The following RRAS2 variants were observed in gnomAD, a reference collection of about 807,000 sequenced individuals.
RRAS2 encodes RAS related 2.
RRAS2 carries 7 observed loss-of-function variants against 27.6 expected under a neutral mutation model. The ratio of observed to expected loss-of-function variants is 0.25; its 90% CI spans 0.14 to 0.48. The LOEUF (loss-of-function observed/expected upper bound fraction) is 0.48, where lower values mean the gene tolerates loss of function less well. Ranked by LOEUF, RRAS2 falls within the 20% of genes least tolerant of loss-of-function variation. RRAS2 has a pLI of 0.99. For missense variants in RRAS2, 178 were observed against 256.2 expected, an observed-to-expected ratio of 0.69 and a Z score of 2.08; for synonymous variants, 86 against 90.9, an observed-to-expected ratio of 0.95 and a Z score of 0.31.
chr11:14,285,526 A>C (rs1849637622), intron 4 of RRAS2, among the ~76,000 whole-genome samples: 1 of 152,236 alleles, frequency 6.6e-6, no homozygotes, highest in Non-Finnish European at 1.5e-5. Flanking sequence ...CATAATTACC[A>C]TCTCTGGTAC....
chr11:14,305,212 G>C (rs573667437), intron 1 of RRAS2, among the ~76,000 whole-genome samples: 93 of 152,274 alleles, frequency 6.1e-4, no homozygotes, highest in South Asian at 4.2e-4. Context: ...AAATGAATGG[G>C]CCTGGTATGT....
At chr11:14,338,292 G>A (rs937871886) in intron 1 of RRAS2, among the ~76,000 whole-genome samples, 2 of 152,212 alleles carry the variant, frequency 1.3e-5, no homozygotes, top group South Asian at 4.1e-4. Flanking sequence ...GCATAAGGAC[G>A]CAGATACTAG....
chr11:14,340,909 T>C (rs1246027820), intron 1 of RRAS2, among the ~76,000 whole-genome samples: 6 of 152,180 alleles, frequency 3.9e-5, no homozygotes, highest in African/African-American at 1.4e-4. Flanking sequence ...TTCAAATGTA[T>C]ATACTTTCAC....
Position 14,281,654 on chromosome 11 carries a change from T to C in RRAS2, c.475A>G (p.Lys159Glu). 2 of 1,599,882 alleles carry C rather than the reference T, an allele frequency of 1.3e-6. No homozygotes were observed. The highest frequency in any genetic ancestry group is 1.7e-6 in the Non-Finnish European group (2 of 1,175,598). The change falls in exon 5 of 6, where the codon AAG becomes GAG. Residue 159 changes from lysine (K) to glutamate (E), a missense_variant. Coordinates refer to ENST00000256196, the MANE Select transcript of RRAS2 (RefSeq NM_012250.6). ...GCTTGATCTACATTCATCCTAATCT[T>C]TGCTGATGCCTCCATGTATGTTACC... ...LKVTYMEASA[K>E]IRMNVDQAFH...
intron 4 of RRAS2, among the ~76,000 whole-genome samples, chr11:14,287,956 G>C (rs895873934): frequency 6.6e-6 from 1 of 152,072 alleles, no homozygotes; most frequent in Admixed American, 6.5e-5. Context: ...CTGCTGCTAG[G>C]GTTATGTGCT....
rs182690487 is a variant in RRAS2 at position 14,310,268 on chromosome 11, A to G, written c.109-14413T>C. On this transcript the variant is annotated intron_variant, in intron 1 of 5. Coordinates refer to ENST00000256196, the MANE Select transcript of RRAS2 (RefSeq NM_012250.6). Reference sequence around the variant, plus strand: ...TTGTACATGTTCTGTTAAGACACTTATTAGACACCTACAGAAATGAGTCTG... The same window carrying G: ...TTGTACATGTTCTGTTAAGACACTTGTTAGACACCTACAGAAATGAGTCTG... 6.4e-4 allele frequency among the ~76,000 whole-genome samples: 97 copies of G among 152,340 alleles called. 1 individual carries two copies. Among genetic ancestry groups the G allele is most frequent in the African/African-American group, 2.2e-3 (91 of 41,582 alleles).
In RRAS2 at chr11:14,295,776, C is replaced by A. The variant is rs782597266; in HGVS notation, c.188G>T (p.Arg63Leu). The change falls in exon 2 of 6, where the codon CGG becomes CTG. Residue 63 changes from arginine (R) to leucine (L), a missense_variant. Arg to Leu is a moderately radical substitution (Grantham distance 102). Coordinates refer to ENST00000256196, the MANE Select transcript of RRAS2 (RefSeq NM_012250.6). ...KQCVIDDRAARLDILDTAGQE... is the reference protein window; with the variant it reads ...KQCVIDDRAALLDILDTAGQE... ...AAAGGAAGTTTACTTACTATCTAGC[C>A]GGGCTGCTCTGTCATCTATCACACA... 4.4e-6 allele frequency: 7 copies of A among 1,605,826 alleles called. No individual in the cohort carries two copies. Among genetic ancestry groups the A allele is most frequent in the Non-Finnish European group, 5.1e-6 (6 of 1,175,612 alleles).
At chr11:14,359,821 G>A (rs996173820), upstream of RRAS2, among the ~76,000 whole-genome samples, 2 of 152,132 alleles carry the variant, frequency 1.3e-5, no homozygotes, top group Non-Finnish European at 2.9e-5. Context: ...CAATCCTCCC[G>A]CCTCGGCCTC....
At position 14,278,765 on chromosome 11, in the gene RRAS2, T is replaced by G. The variant is rs1849441941; in HGVS notation, c.*572A>C. 1 of 152,752 alleles carries G rather than the reference T, an allele frequency of 6.5e-6. No individual in the cohort carries two copies. Among genetic ancestry groups the G allele is most frequent in the South Asian group, 2.1e-4 (1 of 4,836 alleles). 9.5% of individuals were successfully genotyped at this position (152,752 alleles called of 1,614,324 possible). ...TAACACAGGGTTTTATAAGCAGTTT[T>G]TAATCCATAAATACAACAGGCATTT... On this transcript the variant is annotated 3_prime_UTR_variant, in exon 6 of 6. Coordinates refer to ENST00000256196, the MANE Select transcript of RRAS2 (RefSeq NM_012250.6).
rs1848185903 is a variant in RRAS2 at position 14,319,692 on chromosome 11, C to T, written c.109-23837G>A. Among the ~76,000 whole-genome samples the T allele has an allele frequency of 2.6e-5, 4 of 152,248 alleles. No homozygotes were observed. The South Asian group carries it at 8.3e-4, about 32-fold the overall frequency. On this transcript the variant is annotated intron_variant, in intron 1 of 5. Coordinates refer to ENST00000256196, the MANE Select transcript of RRAS2 (RefSeq NM_012250.6). ...TGTCTTCTAAGAGCACAGATAACTG[C>T]AAGTTTACCATACATGATGGAGAAT...
chr11:14,335,884 G>C (rs1848579388), intron 1 of RRAS2, among the ~76,000 whole-genome samples: 1 of 152,150 alleles, frequency 6.6e-6, no homozygotes, highest in Non-Finnish European at 1.5e-5. Context: ...TAAAGGACCA[G>C]AACAGGACGT....
intron 2 of RRAS2, among the ~76,000 whole-genome samples, chr11:14,295,434 C>T (rs1156316001): frequency 1.3e-5 from 2 of 152,192 alleles, no homozygotes; most frequent in Non-Finnish European, 2.9e-5. Flanking sequence ...TTTCTATATT[C>T]ACTTCATCCA....
chr11:14,297,501 A>G (rs1554946819), intron 1 of RRAS2, among the ~76,000 whole-genome samples: 2 of 152,220 alleles, frequency 1.3e-5, no homozygotes, highest in African/African-American at 2.4e-5. Flanking sequence ...AAAGCCAGGC[A>G]TGGTGGCTCA....
chr11:14,342,030 TA>T, intron 1 of RRAS2: 1 of 735,524 alleles, frequency 1.4e-6, no homozygotes, highest in Non-Finnish European at 1.8e-6. Context: ...AGCTCTATAC[TA>T]GCTTTTATCA....
intron 1 of RRAS2, among the ~76,000 whole-genome samples, chr11:14,332,185 A>G (rs1848493254): frequency 6.6e-6 from 1 of 152,228 alleles, no homozygotes; most frequent in Admixed American, 6.5e-5. Context: ...TCCAAGCAAT[A>G]TGAAAATGTA....
At chr11:14,292,451 C>G (rs559218257) in intron 4 of RRAS2, among the ~76,000 whole-genome samples, 1 of 152,086 alleles carries the variant, frequency 6.6e-6, no homozygotes, top group South Asian at 2.1e-4. Context: ...TCTACTTTGC[C>G]ATTATTTCCC....
rs1554946329 is a variant in RRAS2, at chr11:14,294,788, A to T, written c.271T>A (p.Leu91Met). The change falls in exon 3 of 6, where the codon TTG (leucine) becomes ATG (methionine). Residue 91 changes from leucine (L) to methionine (M), a missense_variant. By Grantham distance (15) the Leu-to-Met change is conservative (BLOSUM62 2). Coordinates refer to ENST00000256196, the MANE Select transcript of RRAS2 (RefSeq NM_012250.6). The stretch of plus-strand genomic sequence containing the variant: ...CCTCTATCTGTGACTGAAAAGACCA[A>T]CAGGAAGCCTTCGCCAGTCCTCATA... ...QYMRTGEGFLLVFSVTDRGSF... is the reference protein window; with the variant it reads ...QYMRTGEGFLMVFSVTDRGSF... 9.3e-6 allele frequency: 15 copies of T among 1,613,778 alleles called. No homozygotes were observed. Among genetic ancestry groups the T allele is most frequent in the Non-Finnish European group, 1.3e-5 (15 of 1,179,892 alleles).
intron 1 of RRAS2, chr11:14,364,357 G>C (rs1564989507): frequency 1.3e-6 from 2 of 1,535,472 alleles, no homozygotes; most frequent in East Asian, 2.4e-5. Flanking sequence ...GCCAAAGAAG[G>C]CCAAGCCCCC....
At chr11:14,357,003 G>A (rs1479303691) in intron 1 of RRAS2, among the ~76,000 whole-genome samples, 2 of 151,896 alleles carry the variant, frequency 1.3e-5, no homozygotes, top group Non-Finnish European at 1.5e-5. Flanking sequence ...GGCCAGGCTG[G>A]TCTGGAACTC....
Sources: gnomAD v4.1 joint callset for allele counts (sites outside exome capture counted in the v4.1 genomes callset) on GRCh38, gnomAD v4.1.1 for gene constraint, MANE v1.5 for transcripts, NCBI Gene and HGNC (gene_info 2026-07-23, HGNC 2026-07-21) for gene names.